The following RAE1 variants were observed in gnomAD, a reference collection of about 807,000 sequenced individuals.
The protein encoded by RAE1 is mRNA export factor RAE1.
A neutral mutation model predicts 52.7 loss-of-function variants in RAE1; 13 were observed. The ratio of observed to expected loss-of-function variants is 0.25; its 90% confidence interval spans 0.16 to 0.39. The LOEUF (loss-of-function observed/expected upper bound fraction) is 0.39. RAE1 is among the 10% of genes least tolerant of loss of function. RAE1 has a pLI of 1.00. For synonymous variants in RAE1, 164 were observed against 153.1 expected (o/e 1.07, Z -0.52); for missense variants, 262 against 459.8 (o/e 0.57, Z 3.93).
chr20:57,364,204 G>A (rs2066925054), intron 4 of RAE1, among the ~76,000 whole-genome samples: 1 of 152,234 alleles, frequency 6.6e-6, no homozygotes, highest in African/African-American at 2.4e-5. Context: ...AGTTGAAGCA[G>A]GTAGACTTAG....
At chr20:57,368,843 A>C (rs767322359) in intron 8 of RAE1, 31 bp downstream of exon 8, 5 of 1,533,754 alleles carry the variant, frequency 3.3e-6, no homozygotes, top group Non-Finnish European at 4.5e-6. Flanking sequence ...AGAAGTATGT[A>C]TTTAGCACCT....
chr20:57,351,314 G>A lies in RAE1; in HGVS notation c.-116G>A, dbSNP rs2146119200. On this transcript the variant is annotated 5_prime_UTR_variant, in exon 1 of 12. Coordinates refer to ENST00000395841, the MANE Select transcript of RAE1 (RefSeq NM_003610.4). ...GCTTAAGGAGGCTTCGGGCTCCTGG[G>A]ATTTCTGTCCGCGCTCCTGGCCCTC... The A allele has an allele frequency of 3.0e-6, 3 of 985,514 alleles. No individual in the cohort carries two copies. The highest frequency in any genetic ancestry group is 1.1e-4 in the East Asian group (1 of 8,802). The allele number at this position is 985,514 out of a possible 1,614,324, so 61.0% of individuals were successfully genotyped here. A position where few individuals can be genotyped will look rare whatever the true frequency, so the allele number is the denominator to read the frequency against.
At chr20:57,356,625 A>G (rs2066791906) in intron 4 of RAE1, 87 bp downstream of exon 4, 1 of 1,112,120 alleles carries the variant, frequency 9.0e-7, no homozygotes. Flanking sequence ...CAAATAGCAT[A>G]TATGTGTTCA....
At chr20:57,351,636 C>T (rs1230257441) in intron 1 of RAE1, 4 of 985,540 alleles carry the variant, frequency 4.1e-6, no homozygotes, top group Non-Finnish European at 4.8e-6. Context: ...TGTGGGGGAA[C>T]TGAGCCTCTG....
At chr20:57,351,651 G>C (rs1241015880) in intron 1 of RAE1, 1 of 985,448 alleles carries the variant, frequency 1.0e-6, no homozygotes, top group Non-Finnish European at 1.2e-6. Flanking sequence ...CCTCTGGGAA[G>C]GGTCACATTG....
intron 11 of RAE1, among the ~76,000 whole-genome samples, chr20:57,375,390 A>G (rs1034253209): frequency 6.6e-6 from 1 of 152,088 alleles, no homozygotes; most frequent in Non-Finnish European, 1.5e-5. Flanking sequence ...CCCTTTGCCC[A>G]CAACAGCCTT....
chr20:57,360,530 C>T (rs1337377856), intron 4 of RAE1, among the ~76,000 whole-genome samples: 1 of 152,218 alleles, frequency 6.6e-6, no homozygotes, highest in African/African-American at 2.4e-5. Context: ...AGTACTCTGG[C>T]GAATGGTTTT....
At chr20:57,362,854 A>G (rs185072366) in intron 4 of RAE1, among the ~76,000 whole-genome samples, 111 of 152,288 alleles carry the variant, frequency 7.3e-4, no homozygotes, top group African/African-American at 2.6e-3. Flanking sequence ...ATCTCAGCTC[A>G]CTGCAACCTC....
At chr20:57,372,917 G>A (rs2067057121) in intron 8 of RAE1, 1 of 152,964 alleles carries the variant, frequency 6.5e-6, no homozygotes, top group Non-Finnish European at 1.5e-5. Context: ...CTGGGTAGTG[G>A]AATTTCTGGG....
At position 57,367,099 on chromosome 20, in the gene RAE1, T is replaced by TAAAAAAA; in HGVS notation, c.534+21_534+22insAAAAAAA. On this transcript the variant is annotated intron_variant, in intron 7 of 11. Coordinates refer to ENST00000395841, the MANE Select transcript of RAE1 (RefSeq NM_003610.4). ...GACGTGGTAAGGGATTTCAACTTAA[T>TAAAAAAA]ATGTATTTACTTTAAAAAAAAAACA... 1 of 1,529,594 alleles carries TAAAAAAA rather than the reference T, an allele frequency of 6.5e-7. No individual in the cohort carries two copies. Among genetic ancestry groups the TAAAAAAA allele is most frequent in the South Asian group, 1.2e-5 (1 of 84,996 alleles). 94.8% of individuals were successfully genotyped at this position (1,529,594 alleles called of 1,614,324 possible). A position where few individuals can be genotyped will look rare whatever the true frequency, so the allele number is the denominator to read the frequency against.
chr20:57,351,642 C>G, intron 1 of RAE1: 5 of 985,544 alleles, frequency 5.1e-6, no homozygotes, highest in Non-Finnish European at 6.0e-6. Flanking sequence ...GGAACTGAGC[C>G]TCTGGGAAGG....
intron 2 of RAE1, among the ~76,000 whole-genome samples, 166 bp from the exon 3 acceptor site, chr20:57,354,542 TTCTC>T (rs941407276): frequency 1.3e-5 from 2 of 152,190 alleles, no homozygotes; most frequent in African/African-American, 4.8e-5. Flanking sequence ...TGCTGGTACT[TTCTC>T]TAGCTTATTT....
chr20:57,355,862 A>T (rs2066777612), intron 3 of RAE1, among the ~76,000 whole-genome samples: 1 of 152,150 alleles, frequency 6.6e-6, no homozygotes, highest in Non-Finnish European at 1.5e-5. Context: ...TTTGCTGCTT[A>T]AAAAAAGGAT....
intron 4 of RAE1, among the ~76,000 whole-genome samples, chr20:57,363,369 C>T (rs1044222710): frequency 2.0e-5 from 3 of 152,156 alleles, no homozygotes; most frequent in Middle Eastern, 6.8e-3. Context: ...AAAAATTAGC[C>T]GGGTTTGGTG....
At chr20:57,373,257 C>T (rs531811504) in intron 8 of RAE1, 21 of 556,970 alleles carry the variant, frequency 3.8e-5, no homozygotes, top group African/African-American at 2.8e-4. Flanking sequence ...GCAGCGGGGG[C>T]GGGGGAGGAG....
chr20:57,351,881 A>G (rs2066715180), intron 1 of RAE1: 1 of 985,392 alleles, frequency 1.0e-6, no homozygotes, highest in Non-Finnish European at 1.2e-6. Context: ...TTTATTGTAT[A>G]CGTATATAGG....
In RAE1 at chr20:57,356,460, A is replaced by G; in HGVS notation, c.210A>G (p.Glu70=). 1 of 1,612,196 alleles carries G rather than the reference A, an allele frequency of 6.2e-7. No individual in the cohort carries two copies. The highest frequency in any genetic ancestry group is 8.5e-7 in the Non-Finnish European group (1 of 1,178,618). ...TGTTACTACAGGTTCGCTGCTGGGA[A>G]GTTCAAGACAGTGGACAGACCATTC... ...GSWANDVRCW[E]VQDSGQTIPK... The change falls in exon 4 of 12, where the codon GAA becomes GAG. Residue 70 remains glutamate (E), a synonymous_variant. Transcript: ENST00000395841.
intron 4 of RAE1, among the ~76,000 whole-genome samples, chr20:57,363,610 A>G (rs974246094): frequency 1.3e-5 from 2 of 152,232 alleles, no homozygotes; most frequent in African/African-American, 4.8e-5. Context: ...TGGAGAGTAC[A>G]GTGAGCTATG....
chr20:57,367,072 C>G lies in RAE1; in HGVS notation c.527C>G (p.Ala176Gly). The stretch of plus-strand genomic sequence containing the variant: ...CAACTCCCTGAAAGGTGTTACTGTG[C>G]TGACGTGGTAAGGGATTTCAACTTA... The part of the protein sequence containing the change: ...VLQLPERCYC[A>G]DVIYPMAVVA... The change falls in exon 7 of 12, where the codon GCT becomes GGT. Residue 176 changes from alanine (A) to glycine (G), a missense_variant. Physicochemically the swap from Ala to Gly is moderately conservative, Grantham distance 60 (BLOSUM62 0). Transcript: ENST00000395841. The G allele has an allele frequency of 6.3e-7, 1 of 1,588,688 alleles. No homozygotes were observed. Among genetic ancestry groups the G allele is most frequent in the Non-Finnish European group, 8.6e-7 (1 of 1,159,228 alleles).
Sources: allele counts gnomAD v4.1 joint callset (sites outside exome capture counted in the v4.1 genomes callset), GRCh38; gene constraint gnomAD v4.1.1; transcripts MANE v1.5; gene names NCBI Gene and HGNC (gene_info 2026-07-23, HGNC 2026-07-21).